The following ZDHHC17 variants were observed in gnomAD, a reference collection of about 807,000 sequenced individuals.
The protein encoded by ZDHHC17 is palmitoyltransferase ZDHHC17.
In ZDHHC17, 40 loss-of-function variants were observed where a neutral mutation model predicts 90.3. That is an observed-to-expected ratio of 0.44 (90% confidence interval 0.34 to 0.58). ZDHHC17 has a LOEUF of 0.58. Among genes scored for constraint, ZDHHC17 ranks in the 20% least tolerant of loss-of-function variants. ZDHHC17 has a pLI of 0.01. For missense variants in ZDHHC17, 614 were observed against 780.8 expected (o/e 0.79, Z 2.55); for synonymous variants, 235 against 252.4 (o/e 0.93, Z 0.65).
At chr12:76,816,379 A>G (rs1407175765) in intron 7 of ZDHHC17, among the ~76,000 whole-genome samples, 1 of 152,038 alleles carries the variant, frequency 6.6e-6, no homozygotes, top group African/African-American at 2.4e-5. Context: ...TTATTAATAC[A>G]TGCAATAAGA....
intron 5 of ZDHHC17, among the ~76,000 whole-genome samples, chr12:76,813,106 A>C (rs1004001405): frequency 3.9e-5 from 6 of 152,070 alleles, no homozygotes; most frequent in African/African-American, 1.4e-4. Flanking sequence ...TTTTAATACT[A>C]TCATTTTTTA....
At chr12:76,781,862 A>G (rs1952630624) in intron 1 of ZDHHC17, among the ~76,000 whole-genome samples, 2 of 152,250 alleles carry the variant, frequency 1.3e-5, no homozygotes, top group Non-Finnish European at 2.9e-5. Flanking sequence ...AATCTCAAAA[A>G]CATAATGTTA....
Position 76,850,972 on chromosome 12 carries a change from A to G in ZDHHC17, c.1886A>G (p.Tyr629Cys). 1 of 1,612,704 alleles carries G rather than the reference A, an allele frequency of 6.2e-7. No homozygotes were observed. The highest frequency in any genetic ancestry group is 1.7e-4 in the Middle Eastern group (1 of 6,060). Reference protein sequence around the residue: ...IEYDQISGSGYQLV With the variant: ...IEYDQISGSGCQLV ...TATGACCAAATATCAGGATCTGGGT[A>G]CCAGCTGGTGTAGCGACATCTTATC... is the stretch of plus-strand genomic sequence containing the variant. The change falls in exon 17 of 17, where the codon TAC (tyrosine) becomes TGC (cysteine). Residue 629 changes from tyrosine to cysteine, a missense_variant. Around this residue, in one of 5 missense-constraint regions of ZDHHC17, gnomAD observed 28 missense variants for 20.0 expected, o/e 1.40. Coordinates refer to ENST00000426126, the MANE Select transcript of ZDHHC17 (RefSeq NM_015336.4).
rs554941020 is a variant in ZDHHC17, at chr12:76,798,286, C to T, written c.197+749C>T. On this transcript the variant is annotated intron_variant, in intron 2 of 16. Coordinates refer to ENST00000426126, the MANE Select transcript of ZDHHC17 (RefSeq NM_015336.4). ...ATCGTCAAAATACCAGATTATCAGT[C>T]TTCGAGATAGGCAAAGGAAAAGGAC... 2.6e-5 allele frequency among the ~76,000 whole-genome samples: 4 copies of T among 152,226 alleles called. No homozygotes were observed. The South Asian group carries it at 8.3e-4, about 32-fold the overall frequency.
At chr12:76,826,782 C>A in intron 8 of ZDHHC17, 126 bp from the exon 9 acceptor site, 2 of 913,866 alleles carry the variant, frequency 2.2e-6, no homozygotes, top group Non-Finnish European at 3.1e-6. Flanking sequence ...AGTACTGATA[C>A]ATAGCATGCA....
intron 16 of ZDHHC17, among the ~76,000 whole-genome samples, chr12:76,850,130 T>C (rs1953545369): frequency 6.6e-6 from 1 of 152,106 alleles, no homozygotes; most frequent in African/African-American, 2.4e-5. Context: ...TTGGCCAGGC[T>C]GGTCCTGAAC....
chr12:76,848,290 C>T lies in ZDHHC17; in HGVS notation c.1565C>T (p.Thr522Ile), dbSNP rs1466297917. Reference protein sequence around the residue: ...YTKDGFWTYITQIATCSPWMF... With the variant: ...YTKDGFWTYIIQIATCSPWMF... ...AAGGATGGATTTTGGACATACATTACTCAGATTGCCACGTGTTCACCTTGG... is the reference window on the plus strand; with the variant it reads ...AAGGATGGATTTTGGACATACATTATTCAGATTGCCACGTGTTCACCTTGG... Residue 522 changes from threonine to isoleucine, a missense_variant, in exon 15 of 17, where the codon ACT becomes ATT. Thr to Ile is a moderately conservative substitution (Grantham distance 89). This residue lies in a region of ZDHHC17 where 111 missense variants were observed against 179.8 expected (regional missense o/e 0.62). Transcript: ENST00000426126. 5 of 1,613,926 alleles carry T rather than the reference C, an allele frequency of 3.1e-6. No homozygotes were observed. The Admixed American group carries it at 6.7e-5, about 22-fold the overall frequency.
rs1202099736 is a variant in ZDHHC17 at position 76,842,172 on chromosome 12, T to C, written c.1266+66T>C. On this transcript the variant is annotated intron_variant, in intron 11 of 16. Transcript: ENST00000426126. ...GATTATCAGTATTTACAGCAGACAT[T>C]AGAGGACAGAGGAATTAACTATCGT... 3.6e-6 allele frequency: 5 copies of C among 1,406,960 alleles called. No individual in the cohort carries two copies. In the East Asian group the frequency reaches 7.9e-5, roughly 22 times the overall value. The allele number at this position is 1,406,960 out of a possible 1,614,324, so 87.2% of individuals were successfully genotyped here.
intron 1 of ZDHHC17, among the ~76,000 whole-genome samples, chr12:76,796,713 C>G (rs1196286462): frequency 6.6e-6 from 1 of 151,954 alleles, no homozygotes; most frequent in East Asian, 1.9e-4. Context: ...CCTTTAGGGC[C>G]TTAGAGTTTA....
intron 1 of ZDHHC17, among the ~76,000 whole-genome samples, chr12:76,786,929 G>C (rs1257971995): frequency 6.6e-6 from 1 of 152,120 alleles, no homozygotes; most frequent in Non-Finnish European, 1.5e-5. Flanking sequence ...TGGGGTTTTT[G>C]CACTTCTCCT....
intron 15 of ZDHHC17, 56 bp downstream of exon 15, chr12:76,848,446 A>G: frequency 6.5e-7 from 1 of 1,531,844 alleles, no homozygotes; most frequent in African/African-American, 1.4e-5. Context: ...CCATCCTTGC[A>G]TAAAAGATAA....
chr12:76,772,462 A>G (rs1952503948), intron 1 of ZDHHC17, among the ~76,000 whole-genome samples: 2 of 151,218 alleles, frequency 1.3e-5, no homozygotes, highest in Non-Finnish European at 1.5e-5. Flanking sequence ...TTGATGCATC[A>G]TTATCACCCA....
chr12:76,785,612 T>C (rs1056127889), intron 1 of ZDHHC17, among the ~76,000 whole-genome samples: 1 of 152,226 alleles, frequency 6.6e-6, no homozygotes, highest in African/African-American at 2.4e-5. Flanking sequence ...TTGCATAGCA[T>C]GGGCACACAT....
chr12:76,785,853 T>C (rs1328417087), intron 1 of ZDHHC17, among the ~76,000 whole-genome samples: 2 of 152,134 alleles, frequency 1.3e-5, no homozygotes. Context: ...ATACTAAAGC[T>C]GGAAAAAGCA....
intron 9 of ZDHHC17, 37 bp from the exon 10 acceptor site, chr12:76,828,353 T>A: frequency 6.7e-7 from 1 of 1,497,036 alleles, no homozygotes; most frequent in Non-Finnish European, 9.1e-7. Context: ...TACAATGAAA[T>A]ATAGAGCTCA....
chr12:76,809,918 ATAT>A, intron 5 of ZDHHC17, 61 bp downstream of exon 5: 3 of 1,535,036 alleles, frequency 2.0e-6, no homozygotes, highest in Middle Eastern at 1.7e-4. Context: ...TAAATGCCTA[ATAT>A]TATTGGTGTT....
chr12:76,782,762 A>G (rs1213969295), intron 1 of ZDHHC17, among the ~76,000 whole-genome samples: 8 of 152,218 alleles, frequency 5.3e-5, no homozygotes, highest in South Asian at 2.1e-4. Context: ...GAACTTTGCA[A>G]TAGTGGAAAA....
intron 1 of ZDHHC17, among the ~76,000 whole-genome samples, chr12:76,796,152 A>G (rs913134638): frequency 2.6e-5 from 4 of 152,174 alleles, no homozygotes; most frequent in African/African-American, 9.7e-5. Context: ...CTCTAGTAAA[A>G]TACTCTCAAC....
chr12:76,847,395 A>G (rs1222928121), intron 14 of ZDHHC17, among the ~76,000 whole-genome samples: 1 of 152,230 alleles, frequency 6.6e-6, no homozygotes, highest in Non-Finnish European at 1.5e-5. Flanking sequence ...TTATTGCCCT[A>G]ATGAACCAAA....
Sources: allele counts gnomAD v4.1 joint callset (sites outside exome capture counted in the v4.1 genomes callset), GRCh38; gene constraint gnomAD v4.1.1; regional missense constraint gnomAD v4.1.1; transcripts MANE v1.5; gene names NCBI Gene and HGNC (gene_info 2026-07-23, HGNC 2026-07-21).